CSMD1: variants seen among roughly 807,000 people sequenced by gnomAD.
CSMD1 encodes the protein CUB and Sushi multiple domains 1, also known as CUB and sushi domain-containing protein 1.
In CSMD1, 213 loss-of-function variants were observed where a neutral mutation model predicts 417.5. That is an observed-to-expected ratio of 0.51 (90% confidence interval 0.46 to 0.57). CSMD1 has a LOEUF of 0.57. Among genes scored for constraint, CSMD1 ranks in the 20% least tolerant of loss-of-function variants. CSMD1 has a pLI of 0.00. For missense variants in CSMD1, 6,923 were observed against 4,529.7 expected (o/e 1.53, Z -15.17); for synonymous variants, 2,862 against 1,736.8 (o/e 1.65, Z -16.11).
At chr8:3,608,892 T>A (rs1801753146) in intron 8 of CSMD1, among the ~76,000 whole-genome samples, 2 of 152,200 alleles carry the variant, frequency 1.3e-5, no homozygotes, top group African/African-American at 4.8e-5. Flanking sequence ...ATTGTCCTTC[T>A]GCTCAGCATA....
intron 3 of CSMD1, among the ~76,000 whole-genome samples, chr8:4,089,032 G>T (rs111963359): frequency 0.025 from 3,878 of 152,234 alleles, 72 homozygotes; most frequent in Non-Finnish European, 0.036. Context: ...ACTTATTCTT[G>T]TAGAGAATGA....
At chr8:3,532,485 C>G (rs530253559) in intron 10 of CSMD1, among the ~76,000 whole-genome samples, 3 of 152,208 alleles carry the variant, frequency 2.0e-5, no homozygotes, top group East Asian at 3.9e-4. Flanking sequence ...TGGTTTTTAC[C>G]TCTCCTCCAT....
intron 7 of CSMD1, among the ~76,000 whole-genome samples, chr8:3,666,197 G>T (rs146176710): frequency 6.6e-6 from 1 of 152,104 alleles, no homozygotes; most frequent in African/African-American, 2.4e-5. Flanking sequence ...CGCTTGGCTT[G>T]ATGCTTTGTT....
intron 12 of CSMD1, among the ~76,000 whole-genome samples, chr8:3,421,595 G>A (rs1162419865): frequency 6.6e-6 from 1 of 151,960 alleles, no homozygotes; most frequent in African/African-American, 2.4e-5. Flanking sequence ...TAAACCCCAA[G>A]ATAAAAAAAA....
At chr8:4,415,772 T>C (rs190271675) in intron 3 of CSMD1, among the ~76,000 whole-genome samples, 34 of 152,334 alleles carry the variant, frequency 2.2e-4, no homozygotes, top group Admixed American at 1.1e-3. Context: ...TAAGTATGGA[T>C]AGCAATGTGT....
At chr8:3,771,437 T>C (rs946666798) in intron 5 of CSMD1, among the ~76,000 whole-genome samples, 1 of 152,188 alleles carries the variant, frequency 6.6e-6, no homozygotes, top group African/African-American at 2.4e-5. Flanking sequence ...TGATAGCAAG[T>C]TCTTCTCTCA....
rs1365949444 is a variant in CSMD1, at chr8:2,973,031, A to C, written c.8923+86T>G. 3.0e-6 allele frequency: 4 copies of C among 1,321,858 alleles called. No individual in the cohort carries two copies. The South Asian group carries it at 5.7e-5, about 19-fold the overall frequency. The allele number at this position is 1,321,858 out of a possible 1,614,324, so 81.9% of individuals were successfully genotyped here. On this transcript the variant is annotated intron_variant, in intron 57 of 69. Transcript: ENST00000635120. ...TGTATAAATAGTACAAACCTCTAGAATTTTTGTAGAATTTTGCCAGGCATT... is the reference window on the plus strand; with the variant it reads ...TGTATAAATAGTACAAACCTCTAGACTTTTTGTAGAATTTTGCCAGGCATT...
chr8:3,101,469 C>T (rs2129012699), intron 46 of CSMD1, among the ~76,000 whole-genome samples: 1 of 152,298 alleles, frequency 6.6e-6, no homozygotes, highest in Admixed American at 6.5e-5. Context: ...GACGCCCAGG[C>T]TGGAGTGCAA....
chr8:4,529,897 A>AT (rs1286671702), intron 2 of CSMD1, among the ~76,000 whole-genome samples: 3 of 147,338 alleles, frequency 2.0e-5, no homozygotes, highest in Non-Finnish European at 3.0e-5. Flanking sequence ...AATTTATTTA[A>AT]TTTTTTTATT....
chr8:4,236,035 G>GTTTTTTTTTTTTTTTTTTT (rs869046913), intron 3 of CSMD1, among the ~76,000 whole-genome samples: 4 of 112,654 alleles, frequency 3.6e-5, no homozygotes, highest in African/African-American at 1.6e-4. Flanking sequence ...TGTTTTTTTT[G>GTTTTTTTTTTTTTTTTTTT]TTTGTTTTTT....
At chr8:3,476,862 G>C (rs1436208816) in intron 11 of CSMD1, among the ~76,000 whole-genome samples, 1 of 146,400 alleles carries the variant, frequency 6.8e-6, no homozygotes, top group Non-Finnish European at 1.5e-5. Flanking sequence ...AGGTCGCAGT[G>C]AGCCAAGACC....
intron 2 of CSMD1, among the ~76,000 whole-genome samples, chr8:4,551,509 G>A (rs1450279443): frequency 1.3e-5 from 2 of 152,106 alleles, no homozygotes; most frequent in African/African-American, 2.4e-5. Flanking sequence ...ACTTGAAATT[G>A]AATGCTACCT....
At chr8:3,488,205 C>A (rs73499684) in intron 11 of CSMD1, among the ~76,000 whole-genome samples, 1 of 151,922 alleles carries the variant, frequency 6.6e-6, no homozygotes, top group South Asian at 2.1e-4. Context: ...TGGGCACAAT[C>A]GACCCTTTCA....
intron 2 of CSMD1, among the ~76,000 whole-genome samples, chr8:4,580,220 C>A (rs186350044): frequency 3.3e-5 from 5 of 152,230 alleles, no homozygotes; most frequent in Non-Finnish European, 7.3e-5. Context: ...TGCTGCCCTT[C>A]CCCTTGTGGG....
At chr8:4,629,823 T>C (rs947640377) in intron 2 of CSMD1, among the ~76,000 whole-genome samples, 1 of 152,216 alleles carries the variant, frequency 6.6e-6, no homozygotes, top group African/African-American at 2.4e-5. Context: ...CTGCTAATAA[T>C]AGTGTCATGT....
At chr8:4,163,645 G>A (rs1213718396) in intron 3 of CSMD1, among the ~76,000 whole-genome samples, 1 of 152,066 alleles carries the variant, frequency 6.6e-6, no homozygotes, top group Non-Finnish European at 1.5e-5. Flanking sequence ...ATGGTAAGTG[G>A]AGTAAAATTC....
At chr8:3,679,097 C>T (rs190672429) in intron 7 of CSMD1, among the ~76,000 whole-genome samples, 211 of 152,182 alleles carry the variant, frequency 1.4e-3, no homozygotes, top group African/African-American at 4.9e-3. Context: ...TTGTAAAGAC[C>T]ATCGAGGCTA....
At chr8:3,951,103 A>G (rs914163600) in intron 5 of CSMD1, among the ~76,000 whole-genome samples, 2 of 152,226 alleles carry the variant, frequency 1.3e-5, no homozygotes, top group Non-Finnish European at 2.9e-5. Flanking sequence ...ATCTGAAAGA[A>G]TATATCTACA....
intron 7 of CSMD1, among the ~76,000 whole-genome samples, chr8:3,687,874 C>G (rs1563273792): frequency 6.6e-6 from 1 of 152,350 alleles, no homozygotes; most frequent in Middle Eastern, 3.4e-3. Flanking sequence ...GGACCAGAGT[C>G]CGTACTGATG....
Sources: allele counts gnomAD v4.1 joint callset (sites outside exome capture counted in the v4.1 genomes callset), GRCh38; gene constraint gnomAD v4.1.1; transcripts MANE v1.5; gene names NCBI Gene and HGNC (gene_info 2026-07-23, HGNC 2026-07-21).